SERINC1: variants seen among roughly 807,000 people sequenced by gnomAD.
SERINC1 encodes the protein tumor differentially expressed protein 2.
In SERINC1, 38 loss-of-function variants were observed where a neutral mutation model predicts 52.9. That is an observed-to-expected ratio of 0.72 (90% CI 0.55 to 0.94). The LOEUF (loss-of-function observed/expected upper bound fraction) is 0.94. SERINC1 is among the 40% of genes least tolerant of loss of function. The pLI, the probability that SERINC1 is intolerant of heterozygous loss-of-function variation, is 0.00. For synonymous variants in SERINC1, 198 were observed against 183.1 expected, an observed-to-expected ratio of 1.08 and a Z score of -0.66; for missense variants, 471 against 533.9, an observed-to-expected ratio of 0.88 and a Z score of 1.16.
At chr6:122,451,856 C>T (rs2114478411) in intron 6 of SERINC1, 32 bp downstream of exon 6, 1 of 1,404,016 alleles carries the variant, frequency 7.1e-7, no homozygotes, top group Non-Finnish European at 9.3e-7. Context: ...AAGGTATAAG[C>T]TTCATAAAAA....
intron 9 of SERINC1, among the ~76,000 whole-genome samples, 164 bp from the exon 10 acceptor site, chr6:122,445,343 T>C (rs771649733): frequency 5.9e-5 from 9 of 152,300 alleles, no homozygotes; most frequent in Admixed American, 2.6e-4. Context: ...ACACTGCTAG[T>C]GTGAAGGTAA....
At chr6:122,469,398 A>G (rs941369395) in intron 1 of SERINC1, among the ~76,000 whole-genome samples, 23 of 147,062 alleles carry the variant, frequency 1.6e-4, no homozygotes, top group African/African-American at 5.8e-4. Flanking sequence ...TTTTTTTGAC[A>G]CAGAGTCTCA....
At chr6:122,471,649 C>T (rs373399225) in intron 1 of SERINC1, 50 bp downstream of exon 1, 1 of 1,613,412 alleles carries the variant, frequency 6.2e-7, no homozygotes, top group South Asian at 1.1e-5. Flanking sequence ...GGATCGCCTT[C>T]TCTTTGGTCT....
At chr6:122,454,386 G>C (rs753575205) in intron 3 of SERINC1, 156 bp from the exon 4 acceptor site, 1 of 558,486 alleles carries the variant, frequency 1.8e-6, no homozygotes, top group East Asian at 3.2e-5. Flanking sequence ...AGCCATATTT[G>C]TAACTACAAA....
At chr6:122,464,065 A>G (rs1054152310) in intron 1 of SERINC1, among the ~76,000 whole-genome samples, 2 of 152,188 alleles carry the variant, frequency 1.3e-5, no homozygotes, top group Non-Finnish European at 1.5e-5. Flanking sequence ...CTCAAAGACT[A>G]TATATTGTAG....
intron 1 of SERINC1, among the ~76,000 whole-genome samples, chr6:122,465,114 C>T (rs1178558460): frequency 6.6e-6 from 1 of 151,652 alleles, no homozygotes; most frequent in Non-Finnish European, 1.5e-5. Context: ...TTTGTTCTTC[C>T]CAGAACAAAT....
chr6:122,457,611 G>A (rs893111563), intron 2 of SERINC1, among the ~76,000 whole-genome samples: 1 of 152,068 alleles, frequency 6.6e-6, no homozygotes, highest in Non-Finnish European at 1.5e-5. Context: ...AGACAGAAGA[G>A]AGCTGCTGCT....
intron 1 of SERINC1, among the ~76,000 whole-genome samples, chr6:122,462,428 C>A (rs948562471): frequency 2.6e-5 from 4 of 152,042 alleles, no homozygotes; most frequent in Admixed American, 6.6e-5. Flanking sequence ...CACGAAACTG[C>A]CCTCTTCACA....
intron 1 of SERINC1, among the ~76,000 whole-genome samples, chr6:122,461,938 T>C (rs1775111246): frequency 6.6e-6 from 1 of 152,104 alleles, no homozygotes; most frequent in Non-Finnish European, 1.5e-5. Flanking sequence ...AATAGACCGA[T>C]ATCCCTCATA....
At chr6:122,467,559 A>T (rs1393286579) in intron 1 of SERINC1, among the ~76,000 whole-genome samples, 1 of 152,170 alleles carries the variant, frequency 6.6e-6, no homozygotes, top group Non-Finnish European at 1.5e-5. Flanking sequence ...GTGAGCTGAG[A>T]TCGCGCCACT....
intron 2 of SERINC1, among the ~76,000 whole-genome samples, chr6:122,458,221 T>C (rs897565776): frequency 2.0e-5 from 3 of 152,166 alleles, no homozygotes; most frequent in African/African-American, 7.2e-5. Context: ...AATCTCTGTA[T>C]ATGCAAGTTC....
Position 122,454,145 on chromosome 6 carries a change from T to C in SERINC1, c.451+6A>G. 1.3e-6 allele frequency: 2 copies of C among 1,505,444 alleles called. No homozygotes were observed. The highest frequency in any genetic ancestry group is 1.8e-6 in the Non-Finnish European group (2 of 1,099,802). The allele number at this position is 1,505,444 out of a possible 1,614,324, so 93.3% of individuals were successfully genotyped here. On this transcript the variant is annotated splice_donor_region_variant and intron_variant, in intron 4 of 9. Coordinates refer to ENST00000339697, the MANE Select transcript of SERINC1 (RefSeq NM_020755.4). ...AATGTCAAACAACTTAAAAAGGATT[T>C]CTTACCAGTTGTAAAAGTTCCTTCT...
intron 1 of SERINC1, among the ~76,000 whole-genome samples, chr6:122,467,188 T>C (rs1052663621): frequency 5.3e-5 from 8 of 152,220 alleles, no homozygotes; most frequent in East Asian, 1.9e-4. Flanking sequence ...CAGTTGACTA[T>C]AGACTAGAGC....
At chr6:122,452,611 G>A (rs1262915655) in intron 5 of SERINC1, among the ~76,000 whole-genome samples, 1 of 152,120 alleles carries the variant, frequency 6.6e-6, no homozygotes, top group Non-Finnish European at 1.5e-5. Flanking sequence ...TACACAAGTT[G>A]TTTAGCCTTT....
At chr6:122,447,025 G>T (rs1169903719) in intron 8 of SERINC1, 21 bp from the exon 9 acceptor site, 1 of 1,581,814 alleles carries the variant, frequency 6.3e-7, no homozygotes, top group Admixed American at 1.7e-5. Flanking sequence ...GAGAGTTTAG[G>T]AGGAGAGAAA....
At chr6:122,453,709 C>T in intron 5 of SERINC1, 61 bp downstream of exon 5, 1 of 1,395,372 alleles carries the variant, frequency 7.2e-7, no homozygotes, top group Non-Finnish European at 9.7e-7. Flanking sequence ...ACCTAGTCTA[C>T]ATATCTATTC....
intron 1 of SERINC1, among the ~76,000 whole-genome samples, chr6:122,461,660 A>T (rs1775103383): frequency 2.7e-5 from 3 of 109,706 alleles, no homozygotes; most frequent in South Asian, 2.6e-4. Flanking sequence ...AAGTATAATA[A>T]AAAAAAAAAA....
intron 1 of SERINC1, among the ~76,000 whole-genome samples, chr6:122,471,486 A>T (rs537239774): frequency 3.9e-5 from 6 of 152,152 alleles, no homozygotes; most frequent in African/African-American, 1.4e-4. Context: ...ATCGCCACTA[A>T]ACCTTACGGC....
At chr6:122,460,905 C>T (rs760561559) in intron 1 of SERINC1, among the ~76,000 whole-genome samples, 2 of 152,004 alleles carry the variant, frequency 1.3e-5, no homozygotes, top group Non-Finnish European at 2.9e-5. Flanking sequence ...AATTAAGACC[C>T]ATATCATACT....
Sources: allele counts gnomAD v4.1 joint callset (sites outside exome capture counted in the v4.1 genomes callset), GRCh38; gene constraint gnomAD v4.1.1; transcripts MANE v1.5; gene names NCBI Gene and HGNC (gene_info 2026-07-23, HGNC 2026-07-21).